The following SLC39A11 variants were observed in gnomAD, a reference collection of about 807,000 sequenced individuals.
SLC39A11 encodes zinc transporter ZIP11.
Under a neutral mutation model 36.1 loss-of-function variants are expected in SLC39A11, and 33 were observed. The ratio of observed to expected loss-of-function variants is 0.91; its 90% confidence interval spans 0.69 to 1.22. The LOEUF (loss-of-function observed/expected upper bound fraction) is 1.22. Ranked by LOEUF, SLC39A11 falls within the 50% of genes most tolerant of loss-of-function variation. The probability of loss-of-function intolerance (pLI) is 0.00; values close to 1 mark genes in which losing one functional copy is unlikely to be tolerated. For synonymous variants in SLC39A11, 166 were observed against 170.3 expected, an observed-to-expected ratio of 0.97 and a Z score of 0.20; for missense variants, 432 against 430.3, an observed-to-expected ratio of 1.00 and a Z score of -0.03.
intron 4 of SLC39A11, among the ~76,000 whole-genome samples, chr17:72,994,456 A>C (rs144603974): frequency 1.8e-4 from 28 of 152,342 alleles, no homozygotes; most frequent in Admixed American, 5.2e-4. Flanking sequence ...ACTTAGCAGC[A>C]AGTAGCAACA....
At chr17:72,706,630 G>A (rs2072905497) in intron 7 of SLC39A11, among the ~76,000 whole-genome samples, 1 of 152,212 alleles carries the variant, frequency 6.6e-6, no homozygotes, top group Non-Finnish European at 1.5e-5. Context: ...CTGTCAGAAA[G>A]AATTTAATAC....
intron 5 of SLC39A11, among the ~76,000 whole-genome samples, chr17:72,944,094 C>T (rs2085278786): frequency 6.6e-6 from 1 of 152,138 alleles, no homozygotes; most frequent in Admixed American, 6.5e-5. Flanking sequence ...TCAGATCACA[C>T]CTCATTACTT....
intron 3 of SLC39A11, among the ~76,000 whole-genome samples, chr17:73,040,559 T>A (rs774962906): frequency 1.3e-5 from 2 of 152,226 alleles, no homozygotes; most frequent in African/African-American, 2.4e-5. Context: ...AAATGTGTCA[T>A]GATTATTTAT....
chr17:72,696,543 T>A (rs2072310705), intron 7 of SLC39A11, among the ~76,000 whole-genome samples: 1 of 152,108 alleles, frequency 6.6e-6, no homozygotes, highest in Admixed American at 6.5e-5. Context: ...ACCATTCCCA[T>A]CTCGCTCAAA....
At chr17:72,784,809 C>T (rs1020419571) in intron 6 of SLC39A11, among the ~76,000 whole-genome samples, 1 of 151,888 alleles carries the variant, frequency 6.6e-6, no homozygotes, top group Non-Finnish European at 1.5e-5. Flanking sequence ...CACCATGCTT[C>T]CTGTAAAGCC....
At chr17:72,944,587 C>T (rs1016528676) in intron 5 of SLC39A11, among the ~76,000 whole-genome samples, 5 of 152,152 alleles carry the variant, frequency 3.3e-5, no homozygotes, top group Non-Finnish European at 7.3e-5. Flanking sequence ...GCAAGAGGCT[C>T]GTGAGTCCTT....
chr17:72,726,655 T>C (rs955017477), intron 7 of SLC39A11, among the ~76,000 whole-genome samples: 1 of 152,208 alleles, frequency 6.6e-6, no homozygotes, highest in East Asian at 1.9e-4. Context: ...CAGGAAAATA[T>C]GTCAAAATAT....
In SLC39A11 at chr17:72,797,039, C is replaced by T. The variant is rs530974034; in HGVS notation, c.601+52595G>A. On this transcript the variant is annotated intron_variant, in intron 6 of 9. Transcript: ENST00000255559. ...CCTGAGGGAGTCAGAGCTTGAACTT[C>T]GTGATTCCTGCAACAGTGTTGTAGC... 2.2e-3 allele frequency among the ~76,000 whole-genome samples: 340 copies of T among 152,230 alleles called. 2 individuals are homozygous for T. Among genetic ancestry groups the T allele is most frequent in the Middle Eastern group, 3.4e-3 (1 of 294 alleles).
intron 3 of SLC39A11, among the ~76,000 whole-genome samples, chr17:73,063,155 T>C (rs1006419288): frequency 1.2e-4 from 19 of 152,212 alleles, no homozygotes; most frequent in Admixed American, 1.2e-3. Flanking sequence ...GTACTAGCAT[T>C]GTCTCTATCA....
chr17:72,878,089 G>A (rs1359113264), intron 5 of SLC39A11, among the ~76,000 whole-genome samples: 7 of 151,316 alleles, frequency 4.6e-5, no homozygotes, highest in South Asian at 4.2e-4. Context: ...TTGTCCTTGC[G>A]ATAGTTTGCT....
chr17:72,954,348 C>T (rs1329168209), intron 4 of SLC39A11, among the ~76,000 whole-genome samples: 3 of 152,242 alleles, frequency 2.0e-5, no homozygotes, highest in African/African-American at 7.2e-5. Context: ...TGAGGAAAGG[C>T]CAAGGCCAAG....
intron 6 of SLC39A11, among the ~76,000 whole-genome samples, chr17:72,773,515 T>C (rs970985859): frequency 2.6e-4 from 40 of 152,168 alleles, no homozygotes; most frequent in African/African-American, 8.7e-4. Context: ...CCTTCTGCCA[T>C]GATTGTGAGG....
At chr17:72,842,159 C>A (rs971498111) in intron 6 of SLC39A11, among the ~76,000 whole-genome samples, 1 of 151,020 alleles carries the variant, frequency 6.6e-6, no homozygotes, top group Non-Finnish European at 1.5e-5. Context: ...ATGTTACTGA[C>A]AAAAATTAAA....
At chr17:72,983,550 A>G (rs1274831911) in intron 4 of SLC39A11, among the ~76,000 whole-genome samples, 1 of 152,172 alleles carries the variant, frequency 6.6e-6, no homozygotes, top group African/African-American at 2.4e-5. Flanking sequence ...CAGGCTATGG[A>G]ACAGACTAAT....
rs112897649 is a variant in SLC39A11, at chr17:72,714,291, G to C, written c.671+22359C>G. Among the ~76,000 whole-genome samples, 3 of 152,214 alleles carry C rather than the reference G, an allele frequency of 2.0e-5. 1 individual carries two copies. Among genetic ancestry groups the C allele is most frequent in the African/African-American group, 7.2e-5 (3 of 41,524 alleles). The stretch of plus-strand genomic sequence containing the variant: ...GGATCGCTTGAACCTGGGAGGCGGA[G>C]GTTGCAGTGAGCTGAGATCACGCCA... On this transcript the variant is annotated intron_variant, in intron 7 of 9. Coordinates refer to ENST00000255559, the MANE Select transcript of SLC39A11 (RefSeq NM_139177.4).
chr17:72,677,625 A>T (rs897472575), intron 7 of SLC39A11, among the ~76,000 whole-genome samples: 1 of 152,114 alleles, frequency 6.6e-6, no homozygotes, highest in Non-Finnish European at 1.5e-5. Context: ...TGGTTCTCAA[A>T]CCCGAGTGTG....
intron 5 of SLC39A11, among the ~76,000 whole-genome samples, chr17:72,897,249 A>G (rs2082082357): frequency 6.6e-6 from 1 of 152,126 alleles, no homozygotes; most frequent in Non-Finnish European, 1.5e-5. Context: ...CCTGCTGGAC[A>G]TCGGAGGTGG....
In SLC39A11 at chr17:73,086,764, G is replaced by A. The variant is rs112877360; in HGVS notation, c.108+1893C>T. ...GAACCCAGGAGGTGGAGGTTGCAGT[G>A]AGCTGAGATCATGCCACTGAACCCC... On this transcript the variant is annotated intron_variant, in intron 2 of 9. Coordinates refer to ENST00000255559, the MANE Select transcript of SLC39A11 (RefSeq NM_139177.4). Among the ~76,000 whole-genome samples, 589 of 152,300 alleles carry A rather than the reference G, an allele frequency of 3.9e-3. 2 individuals carry two copies. The highest frequency in any genetic ancestry group is 0.013 in the African/African-American group (551 of 41,556).
intron 3 of SLC39A11, among the ~76,000 whole-genome samples, chr17:73,076,997 C>A (rs930558162): frequency 2.6e-5 from 4 of 151,946 alleles, no homozygotes; most frequent in African/African-American, 9.7e-5. Context: ...CCACTAGATA[C>A]CCACGTGGCA....
Sources: allele counts gnomAD v4.1 joint callset (sites outside exome capture counted in the v4.1 genomes callset), GRCh38; gene constraint gnomAD v4.1.1; transcripts MANE v1.5; gene names NCBI Gene and HGNC (gene_info 2026-07-23, HGNC 2026-07-21).